The following SLC26A2 variants were observed in gnomAD, a reference collection of about 807,000 sequenced individuals.
SLC26A2 encodes solute carrier family 26 member 2.
Under a neutral mutation model 41.1 loss-of-function variants are expected in SLC26A2, and 36 were observed. The ratio of observed to expected loss-of-function variants is 0.88; its 90% confidence interval spans 0.67 to 1.16. The LOEUF (loss-of-function observed/expected upper bound fraction) is 1.16. Among genes scored for constraint, SLC26A2 ranks in the 50% most tolerant of loss-of-function variants. SLC26A2 has a pLI of 0.00. For synonymous variants in SLC26A2, 291 were observed against 311.6 expected, an observed-to-expected ratio of 0.93 and a Z score of 0.70; for missense variants, 796 against 869.6, an observed-to-expected ratio of 0.92 and a Z score of 1.07.
intron 2 of SLC26A2, 96 bp from the exon 3 acceptor site, chr5:149,980,197 C>G: frequency 1.1e-6 from 1 of 925,652 alleles, no homozygotes; most frequent in Non-Finnish European, 1.8e-6. Flanking sequence ...CTGTGATGCT[C>G]TGATGATATG....
chr5:149,962,476 C>G (rs1313765882), intron 1 of SLC26A2, among the ~76,000 whole-genome samples: 1 of 151,934 alleles, frequency 6.6e-6, no homozygotes, highest in Non-Finnish European at 1.5e-5. Context: ...GTAGCTGGAA[C>G]CACAGGTGCA....
chr5:149,965,221 G>A (rs1450913619), intron 1 of SLC26A2, among the ~76,000 whole-genome samples: 3 of 152,100 alleles, frequency 2.0e-5, no homozygotes, highest in African/African-American at 7.2e-5. Context: ...GGTGGCTCAC[G>A]CCTGTAATCC....
intron 1 of SLC26A2, among the ~76,000 whole-genome samples, chr5:149,967,939 G>A (rs1394604829): frequency 6.7e-6 from 1 of 148,870 alleles, no homozygotes; most frequent in Non-Finnish European, 1.5e-5. Flanking sequence ...TAGATATTTT[G>A]TATAGGTAGA....
chr5:149,975,939 C>T (rs143820419), intron 1 of SLC26A2, among the ~76,000 whole-genome samples: 11 of 152,152 alleles, frequency 7.2e-5, no homozygotes, highest in Admixed American at 7.2e-4. Context: ...GGATGGATCA[C>T]CTGAGGTTAG....
At position 149,980,822 on chromosome 5, in the gene SLC26A2, A is replaced by G. The variant is rs1297067317; in HGVS notation, c.1229A>G (p.Tyr410Cys). The G allele has an allele frequency of 1.2e-6, 2 of 1,614,134 alleles. No individual in the cohort carries two copies. The highest frequency in any genetic ancestry group is 1.7e-5 in the Admixed American group (1 of 60,018). Residue 410 changes from tyrosine to cysteine, a missense_variant, in exon 3 of 3, where the codon TAC (tyrosine) becomes TGC (cysteine). Coordinates refer to ENST00000286298, the MANE Select transcript of SLC26A2 (RefSeq NM_000112.4). ...LSEMFAKKHG[Y>C]TVKANQEMYA... is the part of the protein sequence containing the mutation. Reference sequence around the variant, plus strand: ...GAGATGTTTGCCAAGAAACATGGTTACACAGTCAAAGCAAACCAGGAAATG... The same window carrying G: ...GAGATGTTTGCCAAGAAACATGGTTGCACAGTCAAAGCAAACCAGGAAATG...
In SLC26A2 at chr5:149,987,265, G is replaced by A. The variant is rs1378949818; in HGVS notation, c.*5452G>A. ...TATTGCAGCCTACTGGAAAGGAGGG[G>A]GAGTTGGTTAATAGCAGATACTTTT... On this transcript the variant is annotated 3_prime_UTR_variant, in exon 3 of 3. Coordinates refer to ENST00000286298, the MANE Select transcript of SLC26A2 (RefSeq NM_000112.4). The A allele has an allele frequency of 6.6e-6, 1 of 152,136 alleles. No individual in the cohort carries two copies. Among genetic ancestry groups the A allele is most frequent in the Non-Finnish European group, 1.5e-5 (1 of 68,028 alleles). The allele number at this position is 152,136 out of a possible 1,614,324, so 9.4% of individuals were successfully genotyped here. A position where few individuals can be genotyped will look rare whatever the true frequency, so the allele number is the denominator to read the frequency against.
At chr5:149,969,956 GT>G (rs1754874597) in intron 1 of SLC26A2, among the ~76,000 whole-genome samples, 1 of 152,110 alleles carries the variant, frequency 6.6e-6, no homozygotes. Flanking sequence ...CTGATTTTGG[GT>G]AGAAATTGGG....
In SLC26A2 at chr5:149,984,078, C is replaced by T. The variant is rs1561826201; in HGVS notation, c.*2265C>T. 1 of 152,174 alleles carries T rather than the reference C, an allele frequency of 6.6e-6. No homozygotes were observed. Among genetic ancestry groups the T allele is most frequent in the Non-Finnish European group, 1.5e-5 (1 of 68,032 alleles). The allele number at this position is 152,174 out of a possible 1,614,324, so 9.4% of individuals were successfully genotyped here. ...AGAAGGAGGGATAACAGGATTTGAC[C>T]TTTACCAGCGATTTCTGTCCATATG... is the stretch of plus-strand genomic sequence containing the variant. On this transcript the variant is annotated 3_prime_UTR_variant, in exon 3 of 3. Transcript: ENST00000286298.
rs1057517471 is a variant in SLC26A2 at position 149,980,903 on chromosome 5, G to GT, written c.1311dup (p.Ala438CysfsTer9). ...TCCTTCTTCCACTGTTTTACTACTAGTGCAGCTCTTGCAAAGACATTGGTT... is the reference window on the plus strand; with the variant it reads ...TCCTTCTTCCACTGTTTTACTACTAGTTGCAGCTCTTGCAAAGACATTGGTT... On this transcript the variant is annotated frameshift_variant, in exon 3 of 3. Coordinates refer to ENST00000286298, the MANE Select transcript of SLC26A2 (RefSeq NM_000112.4). LOFTEE classifies it high-confidence loss of function. 1 of 1,614,100 alleles carries GT rather than the reference G, an allele frequency of 6.2e-7. No homozygotes were observed. The highest frequency in any genetic ancestry group is 2.2e-5 in the East Asian group (1 of 44,882).
At chr5:149,962,611 T>C (rs1344860573) in intron 1 of SLC26A2, among the ~76,000 whole-genome samples, 1 of 152,202 alleles carries the variant, frequency 6.6e-6, no homozygotes, top group African/African-American at 2.4e-5. Flanking sequence ...AGTGCTGGGA[T>C]TACAGGCATG....
chr5:149,972,016 T>C (rs753718982), intron 1 of SLC26A2, among the ~76,000 whole-genome samples: 15 of 152,226 alleles, frequency 9.9e-5, no homozygotes, highest in Non-Finnish European at 2.1e-4. Context: ...CATTCTCATT[T>C]CTGATTCTTT....
At chr5:149,961,556 T>C (rs537461583) in intron 1 of SLC26A2, among the ~76,000 whole-genome samples, 5 of 152,314 alleles carry the variant, frequency 3.3e-5, no homozygotes, top group Non-Finnish European at 5.9e-5. Flanking sequence ...GCAAGTCTTT[T>C]GCAGAGCTAG....
chr5:149,980,495 A>G lies in SLC26A2; in HGVS notation c.902A>G (p.Asn301Ser), dbSNP rs750646790. The change falls in exon 3 of 3, where the codon AAT (asparagine) becomes AGT (serine). Residue 301 changes from asparagine (N) to serine (S), a missense_variant. Asn to Ser is a conservative substitution (Grantham distance 46). Transcript: ENST00000286298. ...IHVFRNIHKTNLCDLITSLLC... is the reference protein window; with the variant it reads ...IHVFRNIHKTSLCDLITSLLC... ...GTCTTCAGAAACATCCATAAGACCA[A>G]TCTCTGTGATCTTATCACCAGCCTT... 4.3e-6 allele frequency: 7 copies of G among 1,613,842 alleles called. No homozygotes were observed. Among genetic ancestry groups the G allele is most frequent in the African/African-American group, 2.7e-5 (2 of 75,040 alleles).
chr5:149,986,174 A>C lies in SLC26A2; in HGVS notation c.*4361A>C, dbSNP rs920725627. ...GTGTTGAGAGTGAAGTTTCACTAGC[A>C]GGGAAGTTTCCTTGAGCCTAAAATA... is the stretch of plus-strand genomic sequence containing the variant. On this transcript the variant is annotated 3_prime_UTR_variant, in exon 3 of 3. Transcript: ENST00000286298. The C allele has an allele frequency of 6.6e-6, 1 of 152,214 alleles. No homozygotes were observed. The highest frequency in any genetic ancestry group is 1.5e-5 in the Non-Finnish European group (1 of 68,038). The allele number at this position is 152,214 out of a possible 1,614,324, so 9.4% of individuals were successfully genotyped here.
At position 149,974,082 on chromosome 5, in the gene SLC26A2, G is replaced by C. The variant is rs532424205; in HGVS notation, c.-25-3546G>C. Among the ~76,000 whole-genome samples, 4 of 152,276 alleles carry C rather than the reference G, an allele frequency of 2.6e-5. No individual in the cohort carries two copies. In the East Asian group the frequency reaches 7.7e-4, roughly 29 times the overall value. The stretch of plus-strand genomic sequence containing the variant: ...GAGAATCACTTGAGCCCAGGAGTTC[G>C]AGGCCATGGTGAGCCATAATTGCAT... On this transcript the variant is annotated intron_variant, in intron 1 of 2. Transcript: ENST00000286298.
chr5:149,963,262 A>C (rs960023756), intron 1 of SLC26A2, among the ~76,000 whole-genome samples: 6 of 149,594 alleles, frequency 4.0e-5, no homozygotes, highest in African/African-American at 1.5e-4. Context: ...GGCACATGCC[A>C]CCACGCCTGG....
chr5:149,970,833 C>G (rs889035916), intron 1 of SLC26A2, among the ~76,000 whole-genome samples: 5 of 152,124 alleles, frequency 3.3e-5, no homozygotes, highest in African/African-American at 1.2e-4. Flanking sequence ...ACAGGATTTA[C>G]TGATGGATTA....
intron 1 of SLC26A2, among the ~76,000 whole-genome samples, chr5:149,969,141 C>G (rs1754858069): frequency 6.6e-6 from 1 of 152,144 alleles, no homozygotes; most frequent in Non-Finnish European, 1.5e-5. Flanking sequence ...AAAATAAAAA[C>G]CATTCTGTCC....
At chr5:149,966,400 C>T (rs1754806273) in intron 1 of SLC26A2, among the ~76,000 whole-genome samples, 1 of 152,144 alleles carries the variant, frequency 6.6e-6, no homozygotes, top group African/African-American at 2.4e-5. Flanking sequence ...TTTCTACTGA[C>T]CCTCACTGCC....
Sources: allele counts gnomAD v4.1 joint callset (sites outside exome capture counted in the v4.1 genomes callset), GRCh38; gene constraint gnomAD v4.1.1; transcripts MANE v1.5; gene names NCBI Gene and HGNC (gene_info 2026-07-23, HGNC 2026-07-21).